Variants in CEP162 observed in about 807,000 individuals in gnomAD.
The protein encoded by CEP162 is centrosomal protein of 162 kDa.
CEP162 carries 141 observed loss-of-function variants against 169.2 expected under a neutral mutation model. The ratio of observed to expected loss-of-function variants is 0.83; its 90% CI spans 0.73 to 0.96. CEP162 has a LOEUF of 0.96. CEP162 is among the 40% of genes least tolerant of loss of function. The pLI is 0.00. For missense variants in CEP162, 1,600 were observed against 1,587.2 expected, an observed-to-expected ratio of 1.01 and a Z score of -0.14; for synonymous variants, 540 against 526.4, an observed-to-expected ratio of 1.03 and a Z score of -0.35.
At chr6:84,189,615 G>A (rs1037917190) in intron 11 of CEP162, among the ~76,000 whole-genome samples, 3 of 152,246 alleles carry the variant, frequency 2.0e-5, no homozygotes, top group Admixed American at 6.5e-5. Flanking sequence ...ACAGGGCAGG[G>A]CTCGGGACCT....
In CEP162 at chr6:84,159,535, A is replaced by ATATC. The variant is rs1313696789; in HGVS notation, c.2781+1276_2781+1277insGATA. On this transcript the variant is annotated intron_variant, in intron 21 of 26. Transcript: ENST00000403245. ...TAAAATTAATTATTTATATATATAT[A>ATATC]TATATATATATATTTTTTTTTTTTT... 8.4e-5 allele frequency among the ~76,000 whole-genome samples: 3 copies of ATATC among 35,582 alleles called. No individual in the cohort carries two copies. The East Asian group carries it at 2.2e-3, about 26-fold the overall frequency. 23.3% of individuals were successfully genotyped at this position (35,582 alleles called of 152,430 possible).
chr6:84,150,554 T>C (rs1211150722), intron 23 of CEP162, among the ~76,000 whole-genome samples: 2 of 152,110 alleles, frequency 1.3e-5, no homozygotes, highest in African/African-American at 2.4e-5. Flanking sequence ...AAAGCACATA[T>C]AACTGAATGA....
At chr6:84,194,588 G>A (rs543341806) in intron 10 of CEP162, among the ~76,000 whole-genome samples, 3 of 151,978 alleles carry the variant, frequency 2.0e-5, no homozygotes, top group African/African-American at 7.2e-5. Flanking sequence ...CGAGTAGCTG[G>A]GACTATAGGC....
intron 9 of CEP162, among the ~76,000 whole-genome samples, chr6:84,195,590 T>C (rs1279801804): frequency 6.6e-6 from 1 of 152,276 alleles, no homozygotes; most frequent in Non-Finnish European, 1.5e-5. Flanking sequence ...TCTTCAACTA[T>C]GTGAGACATC....
At chr6:84,180,305 T>G (rs1217642332) in intron 13 of CEP162, among the ~76,000 whole-genome samples, 1 of 152,176 alleles carries the variant, frequency 6.6e-6, no homozygotes, top group Non-Finnish European at 1.5e-5. Context: ...CCCTTCATGC[T>G]AAAAACTCTC....
chr6:84,223,840 G>GA lies in CEP162; in HGVS notation c.57+2496dup, dbSNP rs61568142. On this transcript the variant is annotated intron_variant, in intron 2 of 26. Coordinates refer to ENST00000403245, the MANE Select transcript of CEP162 (RefSeq NM_014895.4). The stretch of plus-strand genomic sequence containing the variant: ...AGGAATTGCTTAAGCCCAGAAGGCA[G>GA]AGTTGCAGTCAGCCAAGATTGCACC... Among the ~76,000 whole-genome samples the GA allele has an allele frequency of 3.4e-3, 521 of 151,386 alleles. 3 individuals are homozygous for GA. The highest frequency in any genetic ancestry group is 0.012 in the African/African-American group (480 of 41,256).
At chr6:84,148,877 T>C (rs1562013127) in intron 24 of CEP162, among the ~76,000 whole-genome samples, 1 of 152,114 alleles carries the variant, frequency 6.6e-6, no homozygotes, top group African/African-American at 2.4e-5. Flanking sequence ...AGATTGTAGA[T>C]AAAAGTCCTA....
intron 13 of CEP162, among the ~76,000 whole-genome samples, chr6:84,177,699 C>A (rs529866318): frequency 2.0e-5 from 3 of 152,200 alleles, no homozygotes; most frequent in East Asian, 3.9e-4. Context: ...CCATGTCCAG[C>A]AAATTTTTTG....
intron 3 of CEP162, chr6:84,219,157 C>T: frequency 7.7e-7 from 1 of 1,292,772 alleles, no homozygotes; most frequent in Non-Finnish European, 1.0e-6. Context: ...TGAATTCTCC[C>T]TCAGAAGGTT....
intron 25 of CEP162, among the ~76,000 whole-genome samples, chr6:84,136,281 G>A (rs1343751241): frequency 6.6e-6 from 1 of 152,172 alleles, no homozygotes; most frequent in African/African-American, 2.4e-5. Context: ...AAATACCACA[G>A]ACATTTATTT....
intron 25 of CEP162, among the ~76,000 whole-genome samples, chr6:84,141,109 C>T (rs1160354768): frequency 7.2e-6 from 1 of 139,736 alleles, no homozygotes; most frequent in Non-Finnish European, 1.5e-5. Flanking sequence ...TGCTCACTCG[C>T]CCCCTGCTCA....
At chr6:84,146,661 A>G (rs1370411067) in intron 25 of CEP162, 26 bp downstream of exon 25, 1 of 1,091,516 alleles carries the variant, frequency 9.2e-7, no homozygotes, top group Admixed American at 2.6e-5. Flanking sequence ...AACTTATTTT[A>G]GCCCAATATT....
intron 25 of CEP162, among the ~76,000 whole-genome samples, chr6:84,127,957 G>A (rs778248577): frequency 1.3e-5 from 2 of 152,152 alleles, no homozygotes; most frequent in Non-Finnish European, 2.9e-5. Flanking sequence ...ATTATGATGT[G>A]CTAGGCATTA....
At chr6:84,203,959 A>G (rs2099545675) in intron 7 of CEP162, 22 bp downstream of exon 7, 2 of 1,472,828 alleles carry the variant, frequency 1.4e-6, no homozygotes, top group Non-Finnish European at 1.9e-6. Flanking sequence ...AAAACTGTCA[A>G]ATATATAATT....
At chr6:84,182,354 A>AT (rs2099535242) in intron 13 of CEP162, among the ~76,000 whole-genome samples, 2 of 151,932 alleles carry the variant, frequency 1.3e-5, no homozygotes, top group African/African-American at 4.8e-5. Flanking sequence ...AATAATAAGT[A>AT]TTTTTGTCCT....
At chr6:84,193,906 T>G (rs1003597907) in intron 10 of CEP162, among the ~76,000 whole-genome samples, 1 of 152,204 alleles carries the variant, frequency 6.6e-6, no homozygotes, top group Non-Finnish European at 1.5e-5. Flanking sequence ...CAAATATATT[T>G]ATCAAAAAAT....
chr6:84,171,745 T>C (rs1297475421), intron 16 of CEP162, 27 bp from the exon 17 acceptor site: 7 of 1,026,650 alleles, frequency 6.8e-6, no homozygotes, highest in Non-Finnish European at 9.8e-6. Flanking sequence ...AACTGCATTT[T>C]AGTTAAAAGT....
At chr6:84,150,119 T>G (rs1459411463) in intron 23 of CEP162, among the ~76,000 whole-genome samples, 1 of 152,124 alleles carries the variant, frequency 6.6e-6, no homozygotes, top group Non-Finnish European at 1.5e-5. Context: ...CATTAACCAA[T>G]TTTCAACCCA....
In CEP162 at chr6:84,185,756, C is replaced by A. The variant is rs1419556500; in HGVS notation, c.1402-308G>T. ...AACATATTTTGAAATGACATAAAAT[C>A]TTATTTGTTATCTGAACTTCTCAAG... On this transcript the variant is annotated intron_variant, in intron 12 of 26. Coordinates refer to ENST00000403245, the MANE Select transcript of CEP162 (RefSeq NM_014895.4). 4.6e-5 allele frequency among the ~76,000 whole-genome samples: 7 copies of A among 152,168 alleles called. No homozygotes were observed. The East Asian group carries it at 1.2e-3, about 25-fold the overall frequency.
Sources: allele counts gnomAD v4.1 joint callset (sites outside exome capture counted in the v4.1 genomes callset), GRCh38; gene constraint gnomAD v4.1.1; transcripts MANE v1.5; gene names NCBI Gene and HGNC (gene_info 2026-07-23, HGNC 2026-07-21).